The following MBNL1 variants were observed in gnomAD, a reference collection of about 807,000 sequenced individuals.
MBNL1 encodes muscleblind-like protein 1.
MBNL1 carries 8 observed loss-of-function variants against 42.2 expected under a neutral mutation model. The observed-to-expected ratio is 0.19, with a 90% CI of 0.11 to 0.34. MBNL1 has a LOEUF of 0.34. Among genes scored for constraint, MBNL1 ranks in the 10% least tolerant of loss-of-function variants. The probability of loss-of-function intolerance (pLI) is 1.00; values close to 1 mark genes in which losing one functional copy is unlikely to be tolerated. For synonymous variants in MBNL1, 169 were observed against 173.9 expected, an observed-to-expected ratio of 0.97 and a Z score of 0.22; for missense variants, 309 against 495.3, an observed-to-expected ratio of 0.62 and a Z score of 3.57.
chr3:152,274,698 A>G (rs1282090209), intron 1 of MBNL1, among the ~76,000 whole-genome samples: 2 of 131,354 alleles, frequency 1.5e-5, no homozygotes, highest in Non-Finnish European at 3.7e-5. Flanking sequence ...GAATTTTCAT[A>G]TATGTTTTAA....
chr3:152,331,144 CTCT>C (rs536659181), intron 2 of MBNL1, among the ~76,000 whole-genome samples: 17 of 151,906 alleles, frequency 1.1e-4, no homozygotes, highest in African/African-American at 2.2e-4. Context: ...CTCGTTCCTG[CTCT>C]TCTTCTCTTT....
chr3:152,248,148 T>G (rs536383430), intron 2 of MBNL1, among the ~76,000 whole-genome samples: 1 of 152,114 alleles, frequency 6.6e-6, no homozygotes, highest in Non-Finnish European at 1.5e-5. Context: ...TAATTCAATC[T>G]ATTTTCTTTT....
At chr3:152,344,860 G>C (rs576410152) in intron 2 of MBNL1, among the ~76,000 whole-genome samples, 23 of 151,998 alleles carry the variant, frequency 1.5e-4, no homozygotes, top group East Asian at 1.9e-4. Flanking sequence ...TGCTCTCTCT[G>C]TATACACAAA....
chr3:152,390,165 A>C (rs2097645633), intron 2 of MBNL1, among the ~76,000 whole-genome samples: 1 of 151,764 alleles, frequency 6.6e-6, no homozygotes, highest in Non-Finnish European at 1.5e-5. Flanking sequence ...AAAAAAAAAA[A>C]CTTACTGACT....
chr3:152,275,882 G>T (rs1020976386), intron 1 of MBNL1, among the ~76,000 whole-genome samples: 2 of 151,592 alleles, frequency 1.3e-5, no homozygotes, highest in Admixed American at 1.3e-4. Context: ...AAGTAACTAA[G>T]TTTTTTTGTT....
At chr3:152,380,968 A>G (rs1560373143) in intron 2 of MBNL1, among the ~76,000 whole-genome samples, 1 of 152,084 alleles carries the variant, frequency 6.6e-6, no homozygotes, top group Non-Finnish European at 1.5e-5. Flanking sequence ...ATATTTGAGA[A>G]ACACACAGTT....
intron 2 of MBNL1, among the ~76,000 whole-genome samples, chr3:152,412,313 T>C (rs1018670425): frequency 9.9e-5 from 15 of 152,168 alleles, no homozygotes; most frequent in African/African-American, 3.6e-4. Context: ...TTATCTGGCT[T>C]TGCACAATTG....
rs115046740 is a variant in MBNL1, at chr3:152,289,704, T to A, written c.-789-9701T>A. Among the ~76,000 whole-genome samples, 865 of 152,234 alleles carry A rather than the reference T, an allele frequency of 5.7e-3. 9 individuals carry two copies. The highest frequency in any genetic ancestry group is 0.02 in the African/African-American group (836 of 41,568). ...TAAAAGTATGTTTGAGATTATTTGT[T>A]AAAAAGTAATCCTTAAGGTCAGTTG... On this transcript the variant is annotated intron_variant, in intron 1 of 9. Coordinates refer to ENST00000324210, the MANE Select transcript of MBNL1 (RefSeq NM_021038.5).
intron 1 of MBNL1, among the ~76,000 whole-genome samples, chr3:152,287,274 G>A (rs2053095211): frequency 6.6e-6 from 1 of 151,912 alleles, no homozygotes; most frequent in Non-Finnish European, 1.5e-5. Context: ...GCAGTGGCAT[G>A]CATGATTTAA....
chr3:152,365,406 C>A (rs933802268), intron 2 of MBNL1, among the ~76,000 whole-genome samples: 1 of 152,038 alleles, frequency 6.6e-6, no homozygotes, highest in African/African-American at 2.4e-5. Context: ...AAATAACTCA[C>A]CTATTAAAAT....
At chr3:152,337,262 T>C (rs2090878419) in intron 2 of MBNL1, among the ~76,000 whole-genome samples, 1 of 152,132 alleles carries the variant, frequency 6.6e-6, no homozygotes, top group South Asian at 2.1e-4. Flanking sequence ...TTGAAAAGCA[T>C]AACATGAAGC....
intron 3 of MBNL1, among the ~76,000 whole-genome samples, chr3:152,418,530 C>G (rs1434021722): frequency 6.6e-6 from 1 of 150,424 alleles, no homozygotes; most frequent in Admixed American, 6.7e-5. Flanking sequence ...AGGAGAATCA[C>G]TTGAGCCCAG....
intron 2 of MBNL1, among the ~76,000 whole-genome samples, chr3:152,312,186 C>T (rs1399496219): frequency 6.4e-5 from 8 of 125,040 alleles, no homozygotes; most frequent in African/African-American, 1.6e-4. Flanking sequence ...AGCGAGACTC[C>T]GTCTCAAAAA....
chr3:152,340,795 TGG>T, intron 2 of MBNL1: 3 of 1,614,040 alleles, frequency 1.9e-6, no homozygotes, highest in Non-Finnish European at 1.7e-6. Flanking sequence ...AGAAGGGGAC[TGG>T]ACAGAACCTA....
intron 2 of MBNL1, among the ~76,000 whole-genome samples, chr3:152,412,424 A>T (rs1267754431): frequency 6.6e-6 from 1 of 151,946 alleles, no homozygotes; most frequent in Non-Finnish European, 1.5e-5. Context: ...TCTGTGGGAG[A>T]GTCTTGGTAG....
At chr3:152,366,171 T>TA (rs2153208045) in intron 2 of MBNL1, among the ~76,000 whole-genome samples, 1 of 152,292 alleles carries the variant, frequency 6.6e-6, no homozygotes, top group East Asian at 1.9e-4. Context: ...AAAAAGTTGT[T>TA]AACTAGGCTG....
intron 2 of MBNL1, among the ~76,000 whole-genome samples, chr3:152,370,698 A>G (rs1265788324): frequency 1.3e-5 from 2 of 152,156 alleles, no homozygotes; most frequent in Non-Finnish European, 2.9e-5. Flanking sequence ...GGGTGCCTAT[A>G]TATTTAGGGT....
intron 2 of MBNL1, among the ~76,000 whole-genome samples, chr3:152,369,412 A>G (rs2096565460): frequency 6.6e-6 from 1 of 152,192 alleles, no homozygotes; most frequent in Admixed American, 6.5e-5. Context: ...TCGGTTTGCC[A>G]GTATGGTATT....
intron 2 of MBNL1, among the ~76,000 whole-genome samples, chr3:152,388,925 T>C: frequency 6.6e-6 from 1 of 152,202 alleles, no homozygotes; most frequent in East Asian, 1.9e-4. Context: ...AGGAATAGTT[T>C]CTGAGTTACT....
Sources: allele counts gnomAD v4.1 joint callset (sites outside exome capture counted in the v4.1 genomes callset), GRCh38; gene constraint gnomAD v4.1.1; transcripts MANE v1.5; gene names NCBI Gene and HGNC (gene_info 2026-07-23, HGNC 2026-07-21).